DOCK1: variants seen among roughly 807,000 people sequenced by gnomAD.
DOCK1 encodes the protein dedicator of cytokinesis protein 1.
A neutral mutation model predicts 262.7 loss-of-function variants in DOCK1; 138 were observed. The ratio of observed to expected loss-of-function variants is 0.53; its 90% CI spans 0.46 to 0.61. The LOEUF is 0.61. DOCK1 is among the 20% of genes least tolerant of loss of function. DOCK1 has a pLI of 0.00. For synonymous variants in DOCK1, 866 were observed against 867.4 expected (o/e 1.00, Z 0.03); for missense variants, 1,908 against 2,370.7 (o/e 0.80, Z 4.05).
At position 127,397,761 on chromosome 10, in the gene DOCK1, CGACTCCTGTATGACACGGGCAGT is replaced by C. The variant is rs1565059126; in HGVS notation, c.3928-5256_3928-5234del. On this transcript the variant is annotated intron_variant, in intron 38 of 51. Coordinates refer to ENST00000623213, the MANE Select transcript of DOCK1 (RefSeq NM_001290223.2). ...AGCGACTCCTGTATGACACGGGCAG[CGACTCCTGTATGACACGGGCAGT>C]GACTCCTGTATGACACGGGCAGTGA... 2.5e-3 allele frequency among the ~76,000 whole-genome samples: 209 copies of C among 84,938 alleles called. 3 individuals are homozygous for C. The East Asian group carries it at 0.027, about 11-fold the overall frequency. 55.7% of individuals were successfully genotyped at this position (84,938 alleles called of 152,430 possible).
intron 25 of DOCK1, among the ~76,000 whole-genome samples, chr10:127,117,178 G>C (rs916088008): frequency 6.6e-6 from 1 of 152,054 alleles, no homozygotes; most frequent in Non-Finnish European, 1.5e-5. Context: ...AATATCTTCC[G>C]TGTGCTCAGA....
rs149056037 is a variant in DOCK1, at chr10:127,451,364, G to A, written c.5598G>A (p.Pro1866=). 2,852 of 1,600,288 alleles carry A rather than the reference G, an allele frequency of 1.8e-3. 4 individuals are homozygous for A. Among genetic ancestry groups the A allele is most frequent in the Non-Finnish European group, 2.3e-3 (2,657 of 1,173,610 alleles). ...CACCTCCACTGCCCAGCAAAACTCC[G>A]CCTCCTCCCCCTCCAAAGACAACTC... is the stretch of plus-strand genomic sequence containing the variant. ...HLPPPLPSKT[P]PPPPPKTTRK... The change falls in exon 52 of 52, where the codon CCG becomes CCA. Residue 1866 remains proline (P), a synonymous_variant. Coordinates refer to ENST00000623213, the MANE Select transcript of DOCK1 (RefSeq NM_001290223.2).
At chr10:127,086,429 G>T (rs573809938) in intron 23 of DOCK1, among the ~76,000 whole-genome samples, 94 of 152,220 alleles carry the variant, frequency 6.2e-4, no homozygotes, top group African/African-American at 2.1e-3. Context: ...GATTTTAGAA[G>T]TTACCTGGCA....
chr10:127,426,826 CA>C (rs1432844363), intron 47 of DOCK1, among the ~76,000 whole-genome samples: 1 of 152,206 alleles, frequency 6.6e-6, no homozygotes, highest in Non-Finnish European at 1.5e-5. Flanking sequence ...GGTTTCTGAG[CA>C]AAGGCTGGCA....
At chr10:127,052,949 TG>T in intron 22 of DOCK1, 134 bp downstream of exon 22, 5 of 1,371,350 alleles carry the variant, frequency 3.6e-6, no homozygotes, top group Non-Finnish European at 4.9e-6. Flanking sequence ...CTTTCTAGGC[TG>T]AGAGAGCACT....
intron 1 of DOCK1, among the ~76,000 whole-genome samples, chr10:126,951,242 T>A (rs951287906): frequency 2.4e-4 from 34 of 139,364 alleles, no homozygotes; most frequent in African/African-American, 7.7e-4. Context: ...GGTAGTATTG[T>A]TGGTAATATT....
intron 27 of DOCK1, among the ~76,000 whole-genome samples, chr10:127,180,395 G>T (rs2055610352): frequency 6.6e-6 from 1 of 152,158 alleles, no homozygotes; most frequent in Non-Finnish European, 1.5e-5. Context: ...AGCAGCAGGA[G>T]TTCATAAAGT....
chr10:126,981,040 C>T (rs1318820898), intron 3 of DOCK1, among the ~76,000 whole-genome samples: 1 of 151,652 alleles, frequency 6.6e-6, no homozygotes, highest in East Asian at 1.9e-4. Flanking sequence ...CTCCACTTCC[C>T]GGGTTCAAGC....
intron 22 of DOCK1, among the ~76,000 whole-genome samples, chr10:127,060,589 G>C (rs1229496110): frequency 6.6e-6 from 1 of 152,202 alleles, no homozygotes; most frequent in Non-Finnish European, 1.5e-5. Context: ...TAAAACATCT[G>C]AGTCACAATA....
intron 10 of DOCK1, among the ~76,000 whole-genome samples, chr10:127,007,013 C>G (rs929360885): frequency 2.0e-5 from 3 of 152,170 alleles, no homozygotes; most frequent in Admixed American, 1.3e-4. Flanking sequence ...CAGTCAGTCG[C>G]GTGTGGGTCA....
At chr10:127,385,235 T>C (rs2066044090) in intron 38 of DOCK1, among the ~76,000 whole-genome samples, 1 of 152,224 alleles carries the variant, frequency 6.6e-6, no homozygotes, top group South Asian at 2.1e-4. Flanking sequence ...TCCTGCATTT[T>C]TCTGTTGGCA....
intron 31 of DOCK1, among the ~76,000 whole-genome samples, chr10:127,347,382 G>A (rs973040927): frequency 6.6e-6 from 1 of 152,224 alleles, no homozygotes; most frequent in East Asian, 1.9e-4. Context: ...GGAGGGCCTT[G>A]GCAGCCCGGA....
rs1028899113 is a variant in DOCK1 at position 126,972,212 on chromosome 10, G to A, written c.130+1427G>A. Among the ~76,000 whole-genome samples the A allele has an allele frequency of 4.6e-5, 7 of 152,280 alleles. No individual in the cohort carries two copies. The East Asian group carries it at 7.7e-4, about 17-fold the overall frequency. On this transcript the variant is annotated intron_variant, in intron 2 of 51. Transcript: ENST00000623213. ...ATTACAGGCATGAGCCACCGTGCCC[G>A]TCCTGAAGCAATTGTTATAATTATC...
intron 40 of DOCK1, 67 bp downstream of exon 40, chr10:127,404,496 T>C: frequency 6.9e-7 from 1 of 1,458,780 alleles, no homozygotes. Context: ...CTTCCCGTTC[T>C]GAGGAAGGGT....
intron 1 of DOCK1, among the ~76,000 whole-genome samples, chr10:126,911,033 C>A (rs2031684956): frequency 6.6e-6 from 1 of 152,140 alleles, no homozygotes; most frequent in African/African-American, 2.4e-5. Context: ...TAGTGTGAAC[C>A]TAAGTCTTCA....
At chr10:127,194,278 G>C (rs1447149075) in intron 27 of DOCK1, among the ~76,000 whole-genome samples, 1 of 152,140 alleles carries the variant, frequency 6.6e-6, no homozygotes, top group African/African-American at 2.4e-5. Context: ...TAAAACCATC[G>C]TGAGGAGCAG....
chr10:127,331,534 G>A (rs562402354), intron 29 of DOCK1, among the ~76,000 whole-genome samples: 3 of 152,118 alleles, frequency 2.0e-5, no homozygotes, highest in African/African-American at 7.2e-5. Context: ...CACCCACCTT[G>A]GCCTCCCAAA....
intron 27 of DOCK1, among the ~76,000 whole-genome samples, chr10:127,186,716 G>C (rs2056306505): frequency 6.6e-6 from 1 of 151,960 alleles, no homozygotes; most frequent in South Asian, 2.1e-4. Flanking sequence ...AAATAAGGAA[G>C]CGCAGTACTT....
At chr10:126,919,566 C>T (rs2032959634) in intron 1 of DOCK1, among the ~76,000 whole-genome samples, 1 of 152,156 alleles carries the variant, frequency 6.6e-6, no homozygotes, top group South Asian at 2.1e-4. Flanking sequence ...GGGGTGTGTG[C>T]AGGAGGCCTG....
Sources: allele counts gnomAD v4.1 joint callset (sites outside exome capture counted in the v4.1 genomes callset), GRCh38; gene constraint gnomAD v4.1.1; transcripts MANE v1.5; gene names NCBI Gene and HGNC (gene_info 2026-07-23, HGNC 2026-07-21).